CUBN: variants seen among roughly 807,000 people sequenced by gnomAD.
The protein encoded by CUBN is 460 kDa receptor.
In CUBN, 282 loss-of-function variants were observed where a neutral mutation model predicts 405.3. That is an observed-to-expected ratio of 0.70 (90% CI 0.63 to 0.77). The LOEUF (loss-of-function observed/expected upper bound fraction) is 0.77, where lower values mean the gene tolerates loss of function less well. CUBN is among the 30% of genes least tolerant of loss of function. CUBN has a pLI of 0.00. For synonymous variants in CUBN, 1,684 were observed against 1,617.0 expected (o/e 1.04, Z -0.99); for missense variants, 4,514 against 4,475.2 (o/e 1.01, Z -0.25).
chr10:16,943,357 C>T (rs1353151279), intron 36 of CUBN, among the ~76,000 whole-genome samples: 1 of 152,184 alleles, frequency 6.6e-6, no homozygotes, highest in Non-Finnish European at 1.5e-5. Flanking sequence ...CAGGATATAT[C>T]CACATCAGAC....
chr10:16,868,026 G>A (rs1188930919), intron 59 of CUBN, among the ~76,000 whole-genome samples: 1 of 152,134 alleles, frequency 6.6e-6, no homozygotes, highest in African/African-American at 2.4e-5. Flanking sequence ...CTAAAGGCAA[G>A]AATATATCCC....
chr10:17,020,102 G>A, intron 27 of CUBN, 119 bp from the exon 28 acceptor site: 1 of 1,027,972 alleles, frequency 9.7e-7, no homozygotes, highest in Non-Finnish European at 1.5e-6. Flanking sequence ...TAAATCTGCT[G>A]AGGTGGGTTG....
chr10:16,837,391 C>G (rs1465750955), intron 62 of CUBN, among the ~76,000 whole-genome samples: 1 of 152,112 alleles, frequency 6.6e-6, no homozygotes, highest in African/African-American at 2.4e-5. Context: ...CTTCGACGGT[C>G]TCTACATCTG....
In CUBN at chr10:17,103,294, G is replaced by T. The variant is rs977008215; in HGVS notation, c.1418-57C>A. On this transcript the variant is annotated intron_variant, in intron 12 of 66. Coordinates refer to ENST00000377833, the MANE Select transcript of CUBN (RefSeq NM_001081.4). The stretch of plus-strand genomic sequence containing the variant: ...GAGGTTCCTAAAAGGAAGAGGTTGG[G>T]CAACTGTAACCCTGCTGCTGATAAA... The T allele has an allele frequency of 5.7e-5, 61 of 1,068,648 alleles. No homozygotes were observed. In the Admixed American group the frequency reaches 1.0e-3, roughly 18 times the overall value. 66.2% of individuals were successfully genotyped at this position (1,068,648 alleles called of 1,614,324 possible). A position where few individuals can be genotyped will look rare whatever the true frequency, so the allele number is the denominator to read the frequency against.
chr10:16,889,915 G>A (rs188951153), intron 55 of CUBN, among the ~76,000 whole-genome samples: 25 of 118,848 alleles, frequency 2.1e-4, no homozygotes, highest in African/African-American at 9.9e-4. Context: ...CCAGCCTGGC[G>A]ACAGAGTGAG....
chr10:17,086,954 A>G (rs748720135), intron 15 of CUBN, among the ~76,000 whole-genome samples: 17 of 152,358 alleles, frequency 1.1e-4, no homozygotes, highest in Non-Finnish European at 1.6e-4. Context: ...ATTAATTTCA[A>G]GATAACTCAC....
intron 4 of CUBN, 126 bp downstream of exon 4, chr10:17,126,635 T>C (rs1837198096): frequency 9.8e-7 from 1 of 1,018,058 alleles, no homozygotes; most frequent in Non-Finnish European, 1.5e-6. Flanking sequence ...GAGAATTAAA[T>C]TATGGGAAAA....
In CUBN at chr10:16,933,275, C is replaced by G. The variant is rs1842413944; in HGVS notation, c.5936G>C (p.Gly1979Ala). The G allele has an allele frequency of 6.2e-7, 1 of 1,613,348 alleles. No individual in the cohort carries two copies. The highest frequency in any genetic ancestry group is 1.3e-5 in the African/African-American group (1 of 74,884). Residue 1979 changes from glycine (G) to alanine (A), a missense_variant, in exon 40 of 67, where the codon GGT becomes GCT. By Grantham distance (60) the Gly-to-Ala change is moderately conservative (BLOSUM62 0). This residue lies in a region of CUBN where 1,613 missense variants were observed against 1,542.8 expected (regional missense o/e 1.05). Transcript: ENST00000377833. ...TGCATCTCCCGTCCTCAGGAAGCCA[C>G]CACAAGCACCTGTAGAATAGAAAGC... ...VLPTIAPGAC[G>A]GFLRTGDAPV... is the part of the protein sequence containing the mutation.
rs534744382 is a variant in CUBN at position 17,052,834 on chromosome 10, A to T, written c.3140-5231T>A. ...AGTGATTTAAAGCAAAAATAATAGTAAGGTGAATTTATAACACAGAGAGAA... is the reference window on the plus strand; with the variant it reads ...AGTGATTTAAAGCAAAAATAATAGTTAGGTGAATTTATAACACAGAGAGAA... On this transcript the variant is annotated intron_variant, in intron 22 of 66. Coordinates refer to ENST00000377833, the MANE Select transcript of CUBN (RefSeq NM_001081.4). 9.9e-5 allele frequency among the ~76,000 whole-genome samples: 15 copies of T among 151,222 alleles called. No homozygotes were observed. The South Asian group carries it at 3.0e-3, about 30-fold the overall frequency.
chr10:16,969,038 TC>T (rs1843478542), intron 31 of CUBN, among the ~76,000 whole-genome samples: 1 of 152,224 alleles, frequency 6.6e-6, no homozygotes, highest in Non-Finnish European at 1.5e-5. Flanking sequence ...ATCCAGTTTT[TC>T]CCTTTTCTCA....
chr10:17,039,968 T>C (rs1009454394), intron 27 of CUBN, among the ~76,000 whole-genome samples: 1 of 152,220 alleles, frequency 6.6e-6, no homozygotes, highest in African/African-American at 2.4e-5. Flanking sequence ...AAAAGTGCTA[T>C]TTGGAAAATA....
At chr10:16,944,968 T>C (rs1842737902) in intron 36 of CUBN, among the ~76,000 whole-genome samples, 2 of 152,244 alleles carry the variant, frequency 1.3e-5, no homozygotes, top group African/African-American at 4.8e-5. Context: ...ACATCTTCTT[T>C]AACCTTCACA....
chr10:16,930,433 G>A (rs1352581453), intron 40 of CUBN, among the ~76,000 whole-genome samples: 1 of 152,156 alleles, frequency 6.6e-6, no homozygotes, highest in African/African-American at 2.4e-5. Flanking sequence ...AGTTAACAGT[G>A]ATGTTAACCT....
intron 31 of CUBN, among the ~76,000 whole-genome samples, chr10:16,975,864 C>T (rs910789161): frequency 2.0e-5 from 3 of 151,870 alleles, no homozygotes; most frequent in Non-Finnish European, 4.4e-5. Context: ...CTCCTGACTT[C>T]ATGATCTGCC....
chr10:16,849,003 C>T (rs952902971), intron 60 of CUBN, among the ~76,000 whole-genome samples: 6 of 152,046 alleles, frequency 3.9e-5, no homozygotes, highest in Admixed American at 1.3e-4. Flanking sequence ...CGCACTCGGC[C>T]GGCCAGGTCT....
intron 28 of CUBN, among the ~76,000 whole-genome samples, chr10:17,014,897 G>A (rs954041168): frequency 6.6e-6 from 1 of 152,194 alleles, no homozygotes; most frequent in African/African-American, 2.4e-5. Context: ...CTGGGAGTCA[G>A]AGTGCAGGAG....
rs563288061 is a variant in CUBN, at chr10:16,940,100, G to T, written c.5480C>A (p.Thr1827Asn). The T allele has an allele frequency of 6.2e-7, 1 of 1,614,162 alleles. No homozygotes were observed. The highest frequency in any genetic ancestry group is 8.5e-7 in the Non-Finnish European group (1 of 1,179,992). ...PLNYSSIVGH[T>N]LWVRFISDGS... ...ATCTGAGATAAATCTGACCCACAGG[G>T]TATGTCCAACGATGGAAGAATAATT... Residue 1827 changes from threonine to asparagine, a missense_variant, in exon 37 of 67, where the codon ACC (threonine) becomes AAC (asparagine). By Grantham distance (65) the Thr-to-Asn change is moderately conservative. Coordinates refer to ENST00000377833, the MANE Select transcript of CUBN (RefSeq NM_001081.4).
At chr10:16,949,875 T>G in intron 34 of CUBN, 126 bp downstream of exon 34, 1 of 741,826 alleles carries the variant, frequency 1.3e-6, no homozygotes, top group South Asian at 1.5e-5. Flanking sequence ...TCATCTTTAT[T>G]TGGCTTAGGC....
chr10:17,129,266 G>C lies in CUBN; in HGVS notation c.123-16C>G, dbSNP rs2281648. 1,547,744 of 1,612,978 alleles carry C rather than the reference G, an allele frequency of 0.96. 749,454 individuals are homozygous for C. The highest frequency in any genetic ancestry group is 1 in the Non-Finnish European group (1,176,065 of 1,179,212). On this transcript the variant is annotated splice_polypyrimidine_tract_variant and intron_variant, in intron 1 of 66. Transcript: ENST00000377833. Reference sequence around the variant, plus strand: ...CATTCGAGGCCTATATAATTCAAACGAGAGAATGCATCAGTAATTAGCAAG... The same window carrying C: ...CATTCGAGGCCTATATAATTCAAACCAGAGAATGCATCAGTAATTAGCAAG...
Sources: gnomAD v4.1 joint callset for allele counts (sites outside exome capture counted in the v4.1 genomes callset) on GRCh38, gnomAD v4.1.1 for gene constraint, gnomAD v4.1.1 regional missense constraint, MANE v1.5 for transcripts, NCBI Gene and HGNC (gene_info 2026-07-23, HGNC 2026-07-21) for gene names.